The following DEPTOR variants were observed in gnomAD, a reference collection of about 807,000 sequenced individuals.
The protein encoded by DEPTOR is DEP domain containing MTOR interacting protein.
DEPTOR carries 41 observed loss-of-function variants against 41.6 expected under a neutral mutation model. The observed-to-expected ratio is 0.98, with a 90% CI of 0.77 to 1.28. The LOEUF is 1.28. Ranked by LOEUF, DEPTOR falls within the 50% of genes most tolerant of loss-of-function variation. The probability of loss-of-function intolerance (pLI) is 0.00; values close to 1 mark genes in which losing one functional copy is unlikely to be tolerated. For synonymous variants in DEPTOR, 195 were observed against 192.3 expected (o/e 1.01, Z -0.12); for missense variants, 514 against 527.9 (o/e 0.97, Z 0.26).
chr8:119,966,973 A>G (rs1005611384), intron 4 of DEPTOR, among the ~76,000 whole-genome samples: 4 of 152,222 alleles, frequency 2.6e-5, no homozygotes, highest in African/African-American at 9.6e-5. Context: ...GAGCAGCCCA[A>G]CAAGGCCTGT....
At chr8:119,991,086 CTTTT>C (rs3029216) in intron 4 of DEPTOR, among the ~76,000 whole-genome samples, 2 of 107,476 alleles carry the variant, frequency 1.9e-5, no homozygotes, top group Non-Finnish European at 3.9e-5. Flanking sequence ...TTCTTTCTTT[CTTTT>C]TCTTTCTTTC....
intron 6 of DEPTOR, among the ~76,000 whole-genome samples, 182 bp downstream of exon 6, chr8:120,003,293 T>G (rs1004491288): frequency 6.6e-6 from 1 of 152,158 alleles, no homozygotes; most frequent in South Asian, 2.1e-4. Context: ...GAAATTGGGT[T>G]GTAGCCCAGT....
intron 1 of DEPTOR, among the ~76,000 whole-genome samples, chr8:119,903,133 C>G (rs908795786): frequency 1.1e-4 from 17 of 152,154 alleles, no homozygotes; most frequent in Non-Finnish European, 2.2e-4. Context: ...TAGTCTTGCT[C>G]TGTTGCCCAG....
intron 4 of DEPTOR, among the ~76,000 whole-genome samples, chr8:119,966,190 C>A (rs556292114): frequency 8.5e-4 from 129 of 152,302 alleles, no homozygotes; most frequent in Non-Finnish European, 1.4e-3. Flanking sequence ...CCAAGTCCGG[C>A]ACGGTGGCTC....
intron 3 of DEPTOR, among the ~76,000 whole-genome samples, chr8:119,938,194 C>T (rs1336307839): frequency 6.6e-6 from 1 of 152,212 alleles, no homozygotes; most frequent in Non-Finnish European, 1.5e-5. Context: ...TAATTATCCT[C>T]ACCAATCCTC....
chr8:120,001,066 GA>G (rs1385670106), intron 4 of DEPTOR, among the ~76,000 whole-genome samples: 3 of 147,618 alleles, frequency 2.0e-5, no homozygotes, highest in Non-Finnish European at 4.4e-5. Flanking sequence ...GACAGAGCGA[GA>G]CACCATCTCA....
At chr8:119,880,220 A>G (rs1039266569) in intron 1 of DEPTOR, among the ~76,000 whole-genome samples, 6 of 152,120 alleles carry the variant, frequency 3.9e-5, no homozygotes, top group African/African-American at 1.4e-4. Flanking sequence ...TTCTCTTTCT[A>G]GCAATGGTAG....
intron 3 of DEPTOR, among the ~76,000 whole-genome samples, chr8:119,938,326 G>T (rs959347703): frequency 6.6e-6 from 1 of 152,170 alleles, no homozygotes; most frequent in Admixed American, 6.6e-5. Flanking sequence ...CAGAAAAGAA[G>T]TTAGTTTTAA....
intron 1 of DEPTOR, among the ~76,000 whole-genome samples, chr8:119,900,976 T>C (rs1216099274): frequency 6.6e-6 from 1 of 152,314 alleles, no homozygotes; most frequent in East Asian, 1.9e-4. Context: ...TGATCCCTAG[T>C]GGAAAGTAAA....
chr8:119,994,315 C>CA (rs575105864), intron 4 of DEPTOR, among the ~76,000 whole-genome samples: 3 of 151,752 alleles, frequency 2.0e-5, no homozygotes, highest in Admixed American at 2.0e-4. Flanking sequence ...AAAAGGTGTA[C>CA]AAAAAAAATC....
At chr8:119,920,980 G>GT (rs577020017) in intron 1 of DEPTOR, among the ~76,000 whole-genome samples, 30,961 of 130,766 alleles carry the variant, frequency 0.24, 3,714 homozygotes, top group African/African-American at 0.38. Flanking sequence ...TAGCACTGAG[G>GT]TTTTTTTTTT....
At chr8:119,892,890 C>T (rs964201811) in intron 1 of DEPTOR, among the ~76,000 whole-genome samples, 2 of 152,166 alleles carry the variant, frequency 1.3e-5, no homozygotes, top group East Asian at 1.9e-4. Flanking sequence ...TCAAGCGATC[C>T]TCCTGCCTCA....
intron 1 of DEPTOR, among the ~76,000 whole-genome samples, chr8:119,891,990 TTTTTG>T (rs1040361444): frequency 1.3e-5 from 2 of 151,988 alleles, no homozygotes; most frequent in Non-Finnish European, 2.9e-5. Context: ...GTTTTTTTGT[TTTTTG>T]TTTTGTTTTG....
intron 1 of DEPTOR, chr8:119,874,281 G>C: frequency 2.7e-6 from 1 of 373,618 alleles, no homozygotes; most frequent in Non-Finnish European, 4.8e-6. Context: ...CCGTCTTCCC[G>C]TGTACCTGGA....
At chr8:119,955,961 C>T (rs899595584) in intron 3 of DEPTOR, among the ~76,000 whole-genome samples, 1 of 152,104 alleles carries the variant, frequency 6.6e-6, no homozygotes, top group African/African-American at 2.4e-5. Flanking sequence ...CCCCGCATCA[C>T]CAGGTCCAGA....
chr8:119,986,323 A>G (rs1394486723), intron 4 of DEPTOR, among the ~76,000 whole-genome samples: 1 of 152,118 alleles, frequency 6.6e-6, no homozygotes, highest in Non-Finnish European at 1.5e-5. Context: ...CTGGATTGAA[A>G]ATTCTTTTCT....
Position 119,965,419 on chromosome 8 carries a change from A to G in DEPTOR, c.604+9A>G. 1 of 1,610,018 alleles carries G rather than the reference A, an allele frequency of 6.2e-7. No individual in the cohort carries two copies. The highest frequency in any genetic ancestry group is 8.5e-7 in the Non-Finnish European group (1 of 1,178,314). ...TGGCATCATCCAGCATGGTGAGCGT[A>G]TTGGGCAGCTTTTGCTGCAGGAACA... is the stretch of plus-strand genomic sequence containing the variant. On this transcript the variant is annotated intron_variant, in intron 4 of 8. Transcript: ENST00000286234.
chr8:120,000,123 A>T (rs1045216397), intron 4 of DEPTOR, among the ~76,000 whole-genome samples: 1 of 152,012 alleles, frequency 6.6e-6, no homozygotes, highest in Non-Finnish European at 1.5e-5. Flanking sequence ...CTCTTTGCCG[A>T]TTTTTTTTAA....
At chr8:119,903,452 G>C (rs546377585) in intron 1 of DEPTOR, among the ~76,000 whole-genome samples, 1 of 151,964 alleles carries the variant, frequency 6.6e-6, no homozygotes, top group Non-Finnish European at 1.5e-5. Flanking sequence ...CCTTAATGAG[G>C]GTCTTCCTAA....
Sources: allele counts gnomAD v4.1 joint callset (sites outside exome capture counted in the v4.1 genomes callset), GRCh38; gene constraint gnomAD v4.1.1; transcripts MANE v1.5; gene names NCBI Gene and HGNC (gene_info 2026-07-23, HGNC 2026-07-21).